The following VIT variants were observed in gnomAD, a reference collection of about 807,000 sequenced individuals.
The protein encoded by VIT is vitrin.
Under a neutral mutation model 78.0 loss-of-function variants are expected in VIT, and 99 were observed. The observed-to-expected ratio is 1.27, with a 90% CI of 1.08 to 1.50. The LOEUF (loss-of-function observed/expected upper bound fraction) is 1.50. VIT is among the 40% of genes most tolerant of loss of function. The pLI is 0.00. For synonymous variants in VIT, 374 were observed against 334.3 expected (o/e 1.12, Z -1.29); for missense variants, 1,126 against 875.3 (o/e 1.29, Z -3.61).
At chr2:36,736,421 C>T (rs1667511597) in intron 3 of VIT, among the ~76,000 whole-genome samples, 1 of 152,150 alleles carries the variant, frequency 6.6e-6, no homozygotes, top group Non-Finnish European at 1.5e-5. Context: ...ATTATGTCCA[C>T]CAGACTCTAG....
intron 6 of VIT, among the ~76,000 whole-genome samples, chr2:36,765,323 G>C (rs1356417486): frequency 6.6e-6 from 1 of 151,810 alleles, no homozygotes; most frequent in Non-Finnish European, 1.5e-5. Context: ...AGGAGATTTA[G>C]TTGACTCACA....
At chr2:36,724,039 A>G (rs1189112118) in intron 2 of VIT, among the ~76,000 whole-genome samples, 1 of 149,222 alleles carries the variant, frequency 6.7e-6, no homozygotes, top group African/African-American at 2.5e-5. Flanking sequence ...TTTTTTTCCC[A>G]CAGAATTTCA....
intron 8 of VIT, 141 bp from the exon 9 acceptor site, chr2:36,774,861 A>G (rs1669956573): frequency 2.0e-6 from 3 of 1,466,132 alleles, no homozygotes; most frequent in Non-Finnish European, 9.0e-7. Flanking sequence ...TGCAACCCCC[A>G]GAAGTACAAC....
At chr2:36,734,847 G>C (rs551497324) in intron 3 of VIT, among the ~76,000 whole-genome samples, 1 of 152,238 alleles carries the variant, frequency 6.6e-6, no homozygotes, top group East Asian at 1.9e-4. Flanking sequence ...GGGCCCTTTG[G>C]ACCAAGAAGG....
chr2:36,765,447 G>GAGAGAGAGAGAGAGAGAGA (rs759255390), intron 6 of VIT, among the ~76,000 whole-genome samples: 49 of 148,754 alleles, frequency 3.3e-4, no homozygotes, highest in Non-Finnish European at 4.9e-4. Context: ...GAGAGAGAGA[G>GAGAGAGAGAGAGAGAGAGA]GAAAAACTGC....
chr2:36,716,433 T>G lies in VIT; in HGVS notation c.52+11T>G. On this transcript the variant is annotated intron_variant, in intron 2 of 15. Transcript: ENST00000379242. ...TTGAAATGTTCCTTGGTAAGTACTT[T>G]TATATGTGTATCTGGATACCCTTTT... 6.2e-7 allele frequency: 1 copy of G among 1,613,364 alleles called. No individual in the cohort carries two copies. The highest frequency in any genetic ancestry group is 8.5e-7 in the Non-Finnish European group (1 of 1,179,564).
intron 2 of VIT, among the ~76,000 whole-genome samples, chr2:36,717,646 T>A (rs759265465): frequency 6.6e-6 from 1 of 151,966 alleles, no homozygotes; most frequent in African/African-American, 2.4e-5. Context: ...TGCTGAGGGG[T>A]TCAGGGCCAA....
In VIT at chr2:36,749,552, C is replaced by A. The variant is rs151189029; in HGVS notation, c.276-5369C>A. On this transcript the variant is annotated intron_variant, in intron 4 of 15. Coordinates refer to ENST00000379242, the MANE Select transcript of VIT (RefSeq NM_053276.4). ...TCTTATTTAATCCTGACAATAATTCCTCTGTGCAGTTTCTACTACTCTTAT... is the reference window on the plus strand; with the variant it reads ...TCTTATTTAATCCTGACAATAATTCATCTGTGCAGTTTCTACTACTCTTAT... Among the ~76,000 whole-genome samples the A allele has an allele frequency of 2.1e-3, 317 of 152,286 alleles. 1 individual carries two copies. The highest frequency in any genetic ancestry group is 3.4e-3 in the Non-Finnish European group (230 of 68,032).
At chr2:36,698,222 A>T (rs571834029) in intron 1 of VIT, among the ~76,000 whole-genome samples, 1 of 152,142 alleles carries the variant, frequency 6.6e-6, no homozygotes, top group East Asian at 1.9e-4. Flanking sequence ...CCTCACCACT[A>T]AAAAAAATAA....
chr2:36,703,551 C>T (rs1665205167), intron 1 of VIT, among the ~76,000 whole-genome samples: 1 of 152,194 alleles, frequency 6.6e-6, no homozygotes, highest in Admixed American at 6.5e-5. Flanking sequence ...TGCCTGGTTA[C>T]ACTTAAAAAT....
intron 3 of VIT, 62 bp downstream of exon 3, chr2:36,729,553 A>T: frequency 2.0e-6 from 3 of 1,527,016 alleles, no homozygotes; most frequent in Non-Finnish European, 2.7e-6. Context: ...GAGGGTTATT[A>T]TACTTGTTTT....
chr2:36,782,534 TTCCGGGCCTCCTGAAAACGGGGAGAC>T (rs1176393947), intron 10 of VIT, among the ~76,000 whole-genome samples: 2 of 152,232 alleles, frequency 1.3e-5, no homozygotes, highest in Non-Finnish European at 2.9e-5. Flanking sequence ...ATCCCGGAAC[TTCCGGGCCTCCTGAAAACGGGGAGAC>T]TCACTTCCAG....
At chr2:36,770,669 T>C (rs1420327385) in intron 7 of VIT, among the ~76,000 whole-genome samples, 1 of 152,174 alleles carries the variant, frequency 6.6e-6, no homozygotes, top group Non-Finnish European at 1.5e-5. Flanking sequence ...GAGCCAGATC[T>C]ATAGATATGC....
chr2:36,776,794 C>A (rs1385488764), intron 9 of VIT, among the ~76,000 whole-genome samples: 4 of 149,878 alleles, frequency 2.7e-5, no homozygotes, highest in African/African-American at 9.8e-5. Flanking sequence ...GACTCCATCT[C>A]AAAAAAAATA....
chr2:36,720,028 T>C (rs973926632), intron 2 of VIT, among the ~76,000 whole-genome samples: 1 of 152,218 alleles, frequency 6.6e-6, no homozygotes, highest in Admixed American at 6.5e-5. Context: ...GAAGAATTAA[T>C]ATTGTTAAAA....
intron 1 of VIT, among the ~76,000 whole-genome samples, chr2:36,705,963 C>T (rs752860102): frequency 3.3e-5 from 5 of 152,152 alleles, no homozygotes; most frequent in Non-Finnish European, 5.9e-5. Flanking sequence ...GTCAAAGTTG[C>T]GACAACCCAA....
rs984710092 is a variant in VIT, at chr2:36,813,201, G to A, written c.1904-982G>A. 2.0e-5 allele frequency among the ~76,000 whole-genome samples: 3 copies of A among 150,966 alleles called. No homozygotes were observed. The South Asian group carries it at 6.5e-4, about 33-fold the overall frequency. ...ACGGTGGCTCATGCCTGTAATCCCAGCACTTTGGGAGGCCGAGGCAGGAGG... is the reference window on the plus strand; with the variant it reads ...ACGGTGGCTCATGCCTGTAATCCCAACACTTTGGGAGGCCGAGGCAGGAGG... On this transcript the variant is annotated intron_variant, in intron 15 of 15. Transcript: ENST00000379242.
rs142599365 is a variant in VIT at position 36,791,038 on chromosome 2, A to G, written c.1058+3762A>G. ...CACTACACTTTCATTTCAGGCCCCC[A>G]TCTCAGTATAAATGGAACATAATTG... On this transcript the variant is annotated intron_variant, in intron 12 of 15. Transcript: ENST00000379242. Among the ~76,000 whole-genome samples the G allele has an allele frequency of 2.6e-5, 4 of 152,306 alleles. No individual in the cohort carries two copies. The East Asian group carries it at 7.7e-4, about 29-fold the overall frequency.
intron 3 of VIT, among the ~76,000 whole-genome samples, chr2:36,736,054 T>A (rs527455515): frequency 2.0e-5 from 3 of 152,174 alleles, no homozygotes; most frequent in Non-Finnish European, 4.4e-5. Flanking sequence ...TATCACTTTA[T>A]TTTTAGAGGT....
Sources: allele counts gnomAD v4.1 joint callset (sites outside exome capture counted in the v4.1 genomes callset), GRCh38; gene constraint gnomAD v4.1.1; transcripts MANE v1.5; gene names NCBI Gene and HGNC (gene_info 2026-07-23, HGNC 2026-07-21).